FLVCR2: variants seen among roughly 807,000 people sequenced by gnomAD.
FLVCR2 encodes the protein choline/ethanolamine transporter FLVCR2.
FLVCR2 carries 38 observed loss-of-function variants against 48.9 expected under a neutral mutation model. That is an observed-to-expected ratio of 0.78 (90% CI 0.60 to 1.02). The LOEUF (loss-of-function observed/expected upper bound fraction) is 1.02. Ranked by LOEUF, FLVCR2 falls within the 50% of genes least tolerant of loss-of-function variation. The probability of loss-of-function intolerance (pLI) is 0.00; values close to 1 mark genes in which losing one functional copy is unlikely to be tolerated. For missense variants in FLVCR2, 664 were observed against 663.3 expected, an observed-to-expected ratio of 1.00 and a Z score of -0.01; for synonymous variants, 255 against 257.0, an observed-to-expected ratio of 0.99 and a Z score of 0.07.
At chr14:75,589,059 T>A (rs7156679) in intron 1 of FLVCR2, among the ~76,000 whole-genome samples, 17,819 of 150,830 alleles carry the variant, frequency 0.12, 1,895 homozygotes, top group African/African-American at 0.28. Context: ...TTTTTTTTTT[T>A]AAAAAAAGAA....
At chr14:75,633,784 T>C (rs2140048017) in intron 4 of FLVCR2, 88 bp downstream of exon 4, 1 of 1,004,950 alleles carries the variant, frequency 1.0e-6, no homozygotes, top group South Asian at 1.3e-5. Flanking sequence ...CGTTAAGTCT[T>C]CATTCCCCCC....
At position 75,578,662 on chromosome 14, in the gene FLVCR2, T is replaced by G. The variant is rs1888512027; in HGVS notation, c.-311T>G. Reference sequence around the variant, plus strand: ...AAGTGGCTGCGCAAGGAGAGAACTTTTCCTGCACAAGGAACGCCTCGTGGG... The same window carrying G: ...AAGTGGCTGCGCAAGGAGAGAACTTGTCCTGCACAAGGAACGCCTCGTGGG... On this transcript the variant is annotated 5_prime_UTR_variant, in exon 1 of 10. Coordinates refer to ENST00000238667, the MANE Select transcript of FLVCR2 (RefSeq NM_017791.3). The G allele has an allele frequency of 4.2e-6, 2 of 471,790 alleles. No individual in the cohort carries two copies. The highest frequency in any genetic ancestry group is 8.3e-5 in the East Asian group (2 of 24,114). 29.2% of individuals were successfully genotyped at this position (471,790 alleles called of 1,614,324 possible). A position where few individuals can be genotyped will look rare whatever the true frequency, so the allele number is the denominator to read the frequency against.
At chr14:75,608,358 C>T (rs758691334) in intron 1 of FLVCR2, among the ~76,000 whole-genome samples, 1 of 152,208 alleles carries the variant, frequency 6.6e-6, no homozygotes, top group Non-Finnish European at 1.5e-5. Context: ...TCCAGGAATC[C>T]TGTGGAGCAT....
intron 1 of FLVCR2, among the ~76,000 whole-genome samples, chr14:75,581,552 G>A (rs914182146): frequency 6.6e-6 from 1 of 152,178 alleles, no homozygotes; most frequent in Non-Finnish European, 1.5e-5. Flanking sequence ...TTATTGGACT[G>A]TATAGAGGTG....
At chr14:75,598,519 T>C (rs1213123606) in intron 1 of FLVCR2, among the ~76,000 whole-genome samples, 1 of 152,202 alleles carries the variant, frequency 6.6e-6, no homozygotes, top group African/African-American at 2.4e-5. Flanking sequence ...GCTCTGTTGC[T>C]CAGGCTGGAA....
intron 1 of FLVCR2, among the ~76,000 whole-genome samples, chr14:75,608,172 T>C (rs1052668025): frequency 3.9e-5 from 6 of 152,182 alleles, no homozygotes; most frequent in African/African-American, 1.4e-4. Context: ...ATGCCCTCCA[T>C]GTAGAGGGCT....
intron 1 of FLVCR2, among the ~76,000 whole-genome samples, chr14:75,618,937 C>T (rs915684616): frequency 4.7e-5 from 7 of 148,054 alleles, no homozygotes; most frequent in Non-Finnish European, 7.4e-5. Flanking sequence ...AAGTTATTGG[C>T]GATAGGCTGG....
chr14:75,633,934 AT>A lies in FLVCR2; in HGVS notation c.1020+251del, dbSNP rs1180608864. ...AGCTAGTTAGTGTTTCTGAGCTCTC[AT>A]TTTTTTTTTTTTCTGCAAAAGAAGC... On this transcript the variant is annotated intron_variant, in intron 4 of 9. Transcript: ENST00000238667. Among the ~76,000 whole-genome samples, 849 of 141,258 alleles carry A rather than the reference AT, an allele frequency of 6.0e-3. 7 individuals carry two copies. The highest frequency in any genetic ancestry group is 0.018 in the African/African-American group (676 of 38,600). 92.7% of individuals were successfully genotyped at this position (141,258 alleles called of 152,430 possible).
At chr14:75,621,455 G>C (rs1320166530) in intron 1 of FLVCR2, among the ~76,000 whole-genome samples, 1 of 151,838 alleles carries the variant, frequency 6.6e-6, no homozygotes, top group Non-Finnish European at 1.5e-5. Flanking sequence ...TAATTTGTTG[G>C]GGGTGTGTGT....
At chr14:75,640,901 T>A (rs1447559060) in intron 6 of FLVCR2, 54 bp from the exon 7 acceptor site, 1 of 1,291,364 alleles carries the variant, frequency 7.7e-7, no homozygotes, top group East Asian at 2.3e-5. Context: ...GGGCTCCCCA[T>A]CCTTCTTGTT....
chr14:75,610,756 T>C (rs1889422150), intron 1 of FLVCR2, among the ~76,000 whole-genome samples: 1 of 151,500 alleles, frequency 6.6e-6, no homozygotes. Context: ...AGTTGATTGG[T>C]CTGCATTCGA....
chr14:75,585,780 TG>T (rs957820859), intron 1 of FLVCR2, among the ~76,000 whole-genome samples: 6 of 152,190 alleles, frequency 3.9e-5, no homozygotes, highest in African/African-American at 1.4e-4. Flanking sequence ...GCCGGAGTTT[TG>T]GGTCCACGGA....
At position 75,579,446 on chromosome 14, in the gene FLVCR2, G is replaced by C. The variant is rs776527769; in HGVS notation, c.474G>C (p.Ser158=). ...FGLRTIALTG[S]ALNCLGAWVK... ...TGCGCACCATTGCTCTCACTGGCTC[G>C]GCTCTCAACTGCCTGGGGGCCTGGG... is the stretch of plus-strand genomic sequence containing the variant. Residue 158 remains serine, a synonymous_variant, in exon 1 of 10, where the codon TCG becomes TCC. Transcript: ENST00000238667. 1.2e-6 allele frequency: 2 copies of C among 1,613,624 alleles called. No individual in the cohort carries two copies. Among genetic ancestry groups the C allele is most frequent in the African/African-American group, 1.3e-5 (1 of 74,902 alleles).
intron 1 of FLVCR2, among the ~76,000 whole-genome samples, chr14:75,602,613 T>G (rs891271870): frequency 6.6e-6 from 1 of 152,224 alleles, no homozygotes; most frequent in Non-Finnish European, 1.5e-5. Context: ...ATTTTTATTA[T>G]ACCACAGTTA....
chr14:75,593,526 G>C (rs1286341219), intron 1 of FLVCR2, among the ~76,000 whole-genome samples: 4 of 152,178 alleles, frequency 2.6e-5, no homozygotes, highest in African/African-American at 7.2e-5. Context: ...CATTTCTGCA[G>C]GAACTAATCT....
intron 1 of FLVCR2, among the ~76,000 whole-genome samples, chr14:75,585,621 A>G (rs1047337476): frequency 2.6e-5 from 4 of 151,972 alleles, no homozygotes; most frequent in African/African-American, 9.7e-5. Flanking sequence ...CCCGCAATTG[A>G]CTTGCCACCA....
Position 75,605,572 on chromosome 14 carries a change from T to C in FLVCR2, c.670-16507T>C, listed in dbSNP as rs576821425. Reference sequence around the variant, plus strand: ...TTCAAGACGCAGCCTTGTCCCAGCATGAGCGCAGATAACAGCAGCACCATC... The same window carrying C: ...TTCAAGACGCAGCCTTGTCCCAGCACGAGCGCAGATAACAGCAGCACCATC... On this transcript the variant is annotated intron_variant, in intron 1 of 9. Coordinates refer to ENST00000238667, the MANE Select transcript of FLVCR2 (RefSeq NM_017791.3). 192 of 1,536,076 alleles carry C rather than the reference T, an allele frequency of 1.2e-4. 1 individual carries two copies. The African/African-American group carries it at 2.1e-3, about 17-fold the overall frequency.
chr14:75,639,118 C>T (rs1033950615), intron 5 of FLVCR2, among the ~76,000 whole-genome samples: 1 of 152,082 alleles, frequency 6.6e-6, no homozygotes, highest in African/African-American at 2.4e-5. Context: ...GGCTGAGGCA[C>T]AAGAATTGCT....
intron 1 of FLVCR2, among the ~76,000 whole-genome samples, chr14:75,584,510 A>G (rs537955651): frequency 6.6e-6 from 1 of 152,274 alleles, no homozygotes; most frequent in East Asian, 1.9e-4. Flanking sequence ...TTTCGTCTTT[A>G]CCTCGGGTAG....
Sources: gnomAD v4.1 joint callset for allele counts (sites outside exome capture counted in the v4.1 genomes callset) on GRCh38, gnomAD v4.1.1 for gene constraint, MANE v1.5 for transcripts, NCBI Gene and HGNC (gene_info 2026-07-23, HGNC 2026-07-21) for gene names.